FGF12: variants seen among roughly 807,000 people sequenced by gnomAD.
FGF12 encodes fibroblast growth factor 12B.
Under a neutral mutation model 23.6 loss-of-function variants are expected in FGF12, and 14 were observed. The observed-to-expected ratio is 0.59, with a 90% CI of 0.39 to 0.93. The LOEUF (loss-of-function observed/expected upper bound fraction) is 0.93. Ranked by LOEUF, FGF12 falls within the 40% of genes least tolerant of loss-of-function variation. The probability of loss-of-function intolerance (pLI) is 0.00; values close to 1 mark genes in which losing one functional copy is unlikely to be tolerated. For synonymous variants in FGF12, 62 were observed against 77.3 expected (o/e 0.80, Z 1.04); for missense variants, 175 against 217.8 (o/e 0.80, Z 1.24).
At chr3:192,582,377 T>A (rs1264943597) in intron 2 of FGF12, among the ~76,000 whole-genome samples, 1 of 152,188 alleles carries the variant, frequency 6.6e-6, no homozygotes, top group Non-Finnish European at 1.5e-5. Flanking sequence ...AGAGTTTGTA[T>A]CTTTATCACG....
intron 2 of FGF12, among the ~76,000 whole-genome samples, chr3:192,640,765 T>C (rs888267576): frequency 6.6e-6 from 1 of 152,096 alleles, no homozygotes; most frequent in Non-Finnish European, 1.5e-5. Context: ...TAGCCCATTT[T>C]TGTATAGGCT....
intron 2 of FGF12, among the ~76,000 whole-genome samples, chr3:192,558,992 G>T (rs1711903370): frequency 6.6e-6 from 1 of 151,756 alleles, no homozygotes; most frequent in South Asian, 2.1e-4. Flanking sequence ...TGAAACTATA[G>T]AACTCTTATA....
At chr3:192,563,353 C>T (rs1227196228) in intron 2 of FGF12, among the ~76,000 whole-genome samples, 1 of 152,176 alleles carries the variant, frequency 6.6e-6, no homozygotes, top group Non-Finnish European at 1.5e-5. Flanking sequence ...GTTCACCAGG[C>T]TCTTTATGCC....
chr3:192,401,446 A>AT (rs1216553905), intron 2 of FGF12, among the ~76,000 whole-genome samples: 1 of 152,194 alleles, frequency 6.6e-6, no homozygotes, highest in Admixed American at 6.5e-5. Flanking sequence ...ATTAGGAAAT[A>AT]TTTTTTATGA....
At chr3:192,257,910 T>G (rs575600154) in intron 4 of FGF12, among the ~76,000 whole-genome samples, 1 of 152,078 alleles carries the variant, frequency 6.6e-6, no homozygotes, top group South Asian at 2.1e-4. Flanking sequence ...CTGAGAGGGC[T>G]TGACATGCAG....
At chr3:192,353,356 G>A (rs548988803) in intron 3 of FGF12, among the ~76,000 whole-genome samples, 4 of 149,624 alleles carry the variant, frequency 2.7e-5, no homozygotes, top group East Asian at 2.0e-4. Flanking sequence ...AGATACATGG[G>A]AGCAGAAGTC....
At chr3:192,212,977 T>C (rs12630166) in intron 4 of FGF12, among the ~76,000 whole-genome samples, 49,884 of 152,092 alleles carry the variant, frequency 0.33, 9,348 homozygotes, top group East Asian at 0.89. Context: ...GCTATCTGTC[T>C]CGTGCCAGTC....
At chr3:192,567,801 C>CTTTCTTTTCTTTCTCTT (rs1315183581) in intron 2 of FGF12, among the ~76,000 whole-genome samples, 1 of 103,988 alleles carries the variant, frequency 9.6e-6, no homozygotes, top group Non-Finnish European at 2.1e-5. Flanking sequence ...TTCTTTCTTT[C>CTTTCTTTTCTTTCTCTT]TCTTTCTTTC....
intron 2 of FGF12, among the ~76,000 whole-genome samples, chr3:192,606,412 C>G (rs1714339433): frequency 6.6e-6 from 1 of 152,076 alleles, no homozygotes; most frequent in South Asian, 2.1e-4. Flanking sequence ...GAAAAACTAA[C>G]CATTGTGTAT....
At chr3:192,569,779 G>A (rs1016684881) in intron 2 of FGF12, among the ~76,000 whole-genome samples, 3 of 152,166 alleles carry the variant, frequency 2.0e-5, no homozygotes, top group East Asian at 1.9e-4. Context: ...ATTGAGAAAC[G>A]CATGTGCCAT....
At chr3:192,519,928 A>C (rs1306316768) in intron 2 of FGF12, among the ~76,000 whole-genome samples, 1 of 152,162 alleles carries the variant, frequency 6.6e-6, no homozygotes. Context: ...GACATACCCC[A>C]ATTGTTTTTT....
chr3:192,244,600 G>A (rs1221079172), intron 4 of FGF12, among the ~76,000 whole-genome samples: 2 of 152,162 alleles, frequency 1.3e-5, no homozygotes, highest in African/African-American at 4.8e-5. Flanking sequence ...GGCAGAATGA[G>A]ATTGTTCAAT....
intron 2 of FGF12, among the ~76,000 whole-genome samples, chr3:192,635,067 C>G (rs1313156382): frequency 6.6e-6 from 1 of 152,114 alleles, no homozygotes; most frequent in African/African-American, 2.4e-5. Flanking sequence ...GCCATGTTGG[C>G]CAAGCTGGTC....
chr3:192,516,627 T>C (rs1273570103), intron 2 of FGF12: 1 of 152,244 alleles, frequency 6.6e-6, no homozygotes, highest in East Asian at 1.9e-4. Flanking sequence ...AGCCACCACC[T>C]GGGTTCACAC....
intron 2 of FGF12, among the ~76,000 whole-genome samples, chr3:192,363,545 G>A (rs1041174462): frequency 1.3e-5 from 2 of 152,082 alleles, no homozygotes; most frequent in African/African-American, 4.8e-5. Flanking sequence ...CATTACAGAA[G>A]TTTCAAAGGA....
intron 2 of FGF12, among the ~76,000 whole-genome samples, chr3:192,407,236 C>T (rs1720990156): frequency 6.6e-6 from 1 of 152,198 alleles, no homozygotes; most frequent in Non-Finnish European, 1.5e-5. Flanking sequence ...ATGAAAATCT[C>T]TGATCAAGCT....
chr3:192,714,443 G>A (rs1301580835), intron 2 of FGF12, among the ~76,000 whole-genome samples: 1 of 151,162 alleles, frequency 6.6e-6, no homozygotes, highest in East Asian at 1.9e-4. Context: ...CAAAATGCAC[G>A]TATATTAGTA....
intron 2 of FGF12, among the ~76,000 whole-genome samples, chr3:192,600,152 C>G (rs2108630340): frequency 6.6e-6 from 1 of 152,134 alleles, no homozygotes; most frequent in African/African-American, 2.4e-5. Context: ...ATTGTCCTTC[C>G]CACAATGACT....
chr3:192,379,079 A>G (rs924526204), intron 2 of FGF12, among the ~76,000 whole-genome samples: 1 of 152,182 alleles, frequency 6.6e-6, no homozygotes, highest in East Asian at 1.9e-4. Flanking sequence ...CCTGCTAAAG[A>G]CACGATTTAA....
Sources: allele counts gnomAD v4.1 joint callset (sites outside exome capture counted in the v4.1 genomes callset), GRCh38; gene constraint gnomAD v4.1.1; transcripts MANE v1.5; gene names NCBI Gene and HGNC (gene_info 2026-07-23, HGNC 2026-07-21).